MEIS2: variants seen among roughly 807,000 people sequenced by gnomAD.
MEIS2 encodes the protein Meis homeobox 2.
In MEIS2, 9 loss-of-function variants were observed where a neutral mutation model predicts 58.6. The ratio of observed to expected loss-of-function variants is 0.15; its 90% confidence interval spans 0.09 to 0.27. The LOEUF is 0.27. MEIS2 is among the 10% of genes least tolerant of loss of function. MEIS2 has a pLI of 1.00. For missense variants in MEIS2, 427 were observed against 635.0 expected, an observed-to-expected ratio of 0.67 and a Z score of 3.52; for synonymous variants, 221 against 228.4, an observed-to-expected ratio of 0.97 and a Z score of 0.29.
chr15:36,995,745 A>G (rs2060463532), intron 8 of MEIS2, among the ~76,000 whole-genome samples: 1 of 22,112 alleles, frequency 4.5e-5, no homozygotes, highest in Non-Finnish European at 7.5e-5. Flanking sequence ...AGAAAAGAAA[A>G]GAAAGAAAGA....
intron 8 of MEIS2, among the ~76,000 whole-genome samples, chr15:36,981,912 C>T (rs927824687): frequency 5.9e-5 from 9 of 152,042 alleles, no homozygotes; most frequent in African/African-American, 1.9e-4. Flanking sequence ...GATTCTTGGG[C>T]CTTCAAACTC....
At chr15:36,929,256 GAGTC>G (rs2057871780) in intron 9 of MEIS2, among the ~76,000 whole-genome samples, 1 of 152,200 alleles carries the variant, frequency 6.6e-6, no homozygotes, top group South Asian at 2.1e-4. Context: ...TCACTGTAGT[GAGTC>G]AGTAAGATGA....
At position 36,948,831 on chromosome 15, in the gene MEIS2, C is replaced by A. The variant is rs562391469; in HGVS notation, c.977+1493G>T. The stretch of plus-strand genomic sequence containing the variant: ...TCAATGTATAATCACATACACATCC[C>A]CCTCCAGAGGGGGATGTACTGCCTT... On this transcript the variant is annotated intron_variant, in intron 9 of 11. Coordinates refer to ENST00000561208, the MANE Select transcript of MEIS2 (RefSeq NM_170675.5). 2.6e-5 allele frequency among the ~76,000 whole-genome samples: 4 copies of A among 152,002 alleles called. No individual in the cohort carries two copies. The South Asian group carries it at 8.3e-4, about 32-fold the overall frequency.
chr15:37,050,272 A>G (rs2062858889), intron 7 of MEIS2, among the ~76,000 whole-genome samples: 1 of 151,054 alleles, frequency 6.6e-6, no homozygotes, highest in Admixed American at 6.6e-5. Flanking sequence ...CAAAAACCAT[A>G]TCTCTTTTTC....
At chr15:36,931,158 G>A (rs1032833910) in intron 9 of MEIS2, among the ~76,000 whole-genome samples, 8 of 152,082 alleles carry the variant, frequency 5.3e-5, no homozygotes, top group African/African-American at 7.2e-5. Context: ...AGTAATTGTC[G>A]TGAAGGACAG....
chr15:36,929,165 A>C (rs1344320238), intron 9 of MEIS2, among the ~76,000 whole-genome samples: 1 of 152,214 alleles, frequency 6.6e-6, no homozygotes, highest in Admixed American at 6.5e-5. Context: ...TTACCAATCA[A>C]ATATTCATAT....
At chr15:37,052,214 C>A (rs939735795) in intron 7 of MEIS2, among the ~76,000 whole-genome samples, 4 of 152,152 alleles carry the variant, frequency 2.6e-5, no homozygotes, top group African/African-American at 9.7e-5. Context: ...CCTTGCCAGC[C>A]TGCTCCATGC....
At chr15:36,933,107 T>C (rs9989290) in intron 9 of MEIS2, among the ~76,000 whole-genome samples, 2,413 of 152,178 alleles carry the variant, frequency 0.016, 63 homozygotes, top group African/African-American at 0.056. Flanking sequence ...AGGGGCGGGA[T>C]AGTCTGTTGT....
At chr15:36,895,599 T>C (rs983120284) in intron 10 of MEIS2, among the ~76,000 whole-genome samples, 2 of 152,216 alleles carry the variant, frequency 1.3e-5, no homozygotes, top group Non-Finnish European at 2.9e-5. Context: ...TGGTTGGGAT[T>C]CTCTGAGGCT....
In MEIS2 at chr15:37,099,533, G is replaced by T; in HGVS notation, c.-67C>A. 1 of 1,591,490 alleles carries T rather than the reference G, an allele frequency of 6.3e-7. No individual in the cohort carries two copies. Among genetic ancestry groups the T allele is most frequent in the Admixed American group, 1.7e-5 (1 of 57,326 alleles). On this transcript the variant is annotated 5_prime_UTR_variant, in exon 1 of 12. Coordinates refer to ENST00000561208, the MANE Select transcript of MEIS2 (RefSeq NM_170675.5). Reference sequence around the variant, plus strand: ...AATATCCCAGTCCGGATAAGAAAGTGATCTAGGCTGAAGATTCCTTTTTTT... The same window carrying T: ...AATATCCCAGTCCGGATAAGAAAGTTATCTAGGCTGAAGATTCCTTTTTTT...
intron 6 of MEIS2, among the ~76,000 whole-genome samples, chr15:37,089,286 C>T (rs1013661445): frequency 1.9e-4 from 29 of 152,138 alleles, no homozygotes; most frequent in Non-Finnish European, 2.9e-5. Flanking sequence ...TTATTTCCCC[C>T]TTGATATTCT....
intron 8 of MEIS2, among the ~76,000 whole-genome samples, chr15:36,956,887 T>TAAAAA (rs61478606): frequency 2.7e-5 from 3 of 111,972 alleles, no homozygotes; most frequent in Admixed American, 1.9e-4. Flanking sequence ...AAATGATTGT[T>TAAAAA]AAAAAAAAAA....
At chr15:37,038,344 C>A (rs2062249793) in intron 7 of MEIS2, among the ~76,000 whole-genome samples, 1 of 152,192 alleles carries the variant, frequency 6.6e-6, no homozygotes, top group Non-Finnish European at 1.5e-5. Flanking sequence ...GGGCCACTTG[C>A]CTTCTAACTT....
intron 7 of MEIS2, among the ~76,000 whole-genome samples, chr15:37,046,226 G>A (rs979320111): frequency 2.0e-5 from 3 of 152,178 alleles, no homozygotes; most frequent in African/African-American, 7.2e-5. Flanking sequence ...CTCCACGCTG[G>A]CCTGTGATGG....
chr15:37,053,155 C>T (rs868713147), intron 7 of MEIS2, among the ~76,000 whole-genome samples: 1 of 152,266 alleles, frequency 6.6e-6, no homozygotes, highest in South Asian at 2.1e-4. Context: ...GTAAACCAGC[C>T]TATGAGAGAA....
rs750021474 is a variant in MEIS2, at chr15:37,099,502, A to G, written c.-36T>C. 8.7e-6 allele frequency: 14 copies of G among 1,613,498 alleles called. No individual in the cohort carries two copies. The Admixed American group carries it at 2.0e-4, about 23-fold the overall frequency. ...TCCAATAAACTCCTGGATGTGTCGT[A>G]TATTTAATATCCCAGTCCGGATAAG... is the stretch of plus-strand genomic sequence containing the variant. On this transcript the variant is annotated 5_prime_UTR_variant, in exon 1 of 12. Transcript: ENST00000561208.
At chr15:36,914,793 C>G (rs938032659) in intron 9 of MEIS2, among the ~76,000 whole-genome samples, 1 of 151,854 alleles carries the variant, frequency 6.6e-6, no homozygotes, top group Non-Finnish European at 1.5e-5. Context: ...TTTCCTCAAC[C>G]GCAGCAACAC....
At chr15:37,087,789 A>T (rs1391356484) in intron 6 of MEIS2, among the ~76,000 whole-genome samples, 1 of 152,140 alleles carries the variant, frequency 6.6e-6, no homozygotes, top group East Asian at 1.9e-4. Flanking sequence ...CCTATAAGAG[A>T]ATACTTAATA....
intron 9 of MEIS2, among the ~76,000 whole-genome samples, chr15:36,935,650 A>C (rs1432971775): frequency 6.6e-6 from 1 of 152,176 alleles, no homozygotes; most frequent in Non-Finnish European, 1.5e-5. Context: ...TCTTTCTGAG[A>C]TAATTTAACA....
Sources: allele counts gnomAD v4.1 joint callset (sites outside exome capture counted in the v4.1 genomes callset), GRCh38; gene constraint gnomAD v4.1.1; transcripts MANE v1.5; gene names NCBI Gene and HGNC (gene_info 2026-07-23, HGNC 2026-07-21).